The following CPA4 variants were observed in gnomAD, a reference collection of about 807,000 sequenced individuals.
CPA4 encodes carboxypeptidase A4.
In CPA4, 49 loss-of-function variants were observed where a neutral mutation model predicts 54.7. The observed-to-expected ratio is 0.90, with a 90% CI of 0.71 to 1.14. CPA4 has a LOEUF of 1.14. Among genes scored for constraint, CPA4 ranks in the 50% most tolerant of loss-of-function variants. CPA4 has a pLI of 0.00. For synonymous variants in CPA4, 215 were observed against 206.8 expected, an observed-to-expected ratio of 1.04 and a Z score of -0.34; for missense variants, 487 against 525.1, an observed-to-expected ratio of 0.93 and a Z score of 0.71.
At chr7:130,309,242 T>G (rs10239213) in intron 8 of CPA4, among the ~76,000 whole-genome samples, 2 of 152,170 alleles carry the variant, frequency 1.3e-5, no homozygotes, top group African/African-American at 4.8e-5. Flanking sequence ...GCATCTTACA[T>G]TGAGATTGCC....
At chr7:130,306,750 C>CCATG (rs1562930038) in intron 6 of CPA4, 37 bp from the exon 7 acceptor site, 1 of 1,252,676 alleles carries the variant, frequency 8.0e-7, no homozygotes, top group East Asian at 2.3e-5. Flanking sequence ...GCCCATCCTG[C>CCATG]CATGGGATAG....
In CPA4 at chr7:130,310,245, C is replaced by A. The variant is rs761685245; in HGVS notation, c.794-542C>A. ...TCAGTCACATTCATACACACACACA[C>A]GCACACACACACGTATGCACGTGTG... is the stretch of plus-strand genomic sequence containing the variant. On this transcript the variant is annotated intron_variant, in intron 8 of 10. Transcript: ENST00000222482. This position sits in a 1 kb window ranked among gnomAD's most constrained non-coding sequence, Gnocchi z 4.3. 6.6e-6 allele frequency among the ~76,000 whole-genome samples: 1 copy of A among 151,584 alleles called. No individual in the cohort carries two copies. The highest frequency in any genetic ancestry group is 2.4e-5 in the African/African-American group (1 of 40,894).
intron 4 of CPA4, among the ~76,000 whole-genome samples, chr7:130,303,533 A>G (rs1376223463): frequency 6.6e-6 from 1 of 152,128 alleles, no homozygotes; most frequent in Non-Finnish European, 1.5e-5. Flanking sequence ...GTGTGTGTAC[A>G]TGTATATGGT....
rs746604862 is a variant in CPA4 at position 130,299,270 on chromosome 7, C to A, written c.151C>A (p.Leu51Ile). Residue 51 changes from leucine to isoleucine, a missense_variant and splice_region_variant, in exon 3 of 11, where the codon CTC (leucine) becomes ATC (isoleucine). Transcript: ENST00000222482. ...SQLVNSNNLK[L>I]NFWKSPSSFN... ...CTGGTTTCATTTCTGTTCCCTTCAG[C>A]TCAATTTCTGGAAATCTCCCTCCTC... 5.3e-5 allele frequency: 85 copies of A among 1,613,766 alleles called. No homozygotes were observed. In the South Asian group the frequency reaches 9.2e-4, roughly 18 times the overall value.
chr7:130,307,470 A>T (rs1168030442), intron 7 of CPA4, among the ~76,000 whole-genome samples: 1 of 151,966 alleles, frequency 6.6e-6, no homozygotes, highest in African/African-American at 2.4e-5. Flanking sequence ...TCTCTATTAA[A>T]AATACAAACA....
In CPA4 at chr7:130,323,895, T is replaced by TG. The variant is rs1794168263; in HGVS notation, c.*1219_*1220insG. ...GTATCCTGTGTTTCCTTGTCCTGGT[T>TG]TGTGTGTGTGTGTGTGTGTGTGTGT... On this transcript the variant is annotated 3_prime_UTR_variant, in exon 11 of 11. Coordinates refer to ENST00000222482, the MANE Select transcript of CPA4 (RefSeq NM_016352.4). The TG allele has an allele frequency of 6.9e-6, 1 of 145,132 alleles. No homozygotes were observed. The highest frequency in any genetic ancestry group is 2.6e-5 in the African/African-American group (1 of 38,908). 9.0% of individuals were successfully genotyped at this position (145,132 alleles called of 1,614,324 possible).
At chr7:130,299,720 T>C in intron 3 of CPA4, 1 of 277,716 alleles carries the variant, frequency 3.6e-6, no homozygotes, top group Non-Finnish European at 7.0e-6. Flanking sequence ...AAAATGGTGA[T>C]AGTGAGACCT....
At chr7:130,299,476 G>A (rs910053885) in intron 3 of CPA4, 72 bp downstream of exon 3, 1 of 1,407,770 alleles carries the variant, frequency 7.1e-7, no homozygotes, top group Non-Finnish European at 9.9e-7. Context: ...AGACCGGAGT[G>A]ATTTGCAAGT....
At chr7:130,307,221 C>T (rs540681836) in intron 7 of CPA4, among the ~76,000 whole-genome samples, 7 of 150,778 alleles carry the variant, frequency 4.6e-5, no homozygotes, top group African/African-American at 1.2e-4. Context: ...TACTTTAGTA[C>T]GCATCTCTAA....
At chr7:130,315,702 TTGAA>T (rs1411881261) in intron 10 of CPA4, among the ~76,000 whole-genome samples, 10 of 152,284 alleles carry the variant, frequency 6.6e-5, no homozygotes, top group Admixed American at 5.9e-4. Flanking sequence ...CTAAAAGAAA[TTGAA>T]CCTTGTTTAC....
chr7:130,312,203 T>A (rs1793926424), intron 10 of CPA4, 81 bp downstream of exon 10: 1 of 967,564 alleles, frequency 1.0e-6, no homozygotes. Context: ...GGGCTGTAAG[T>A]TAGACTTACT....
rs185146326 is a variant in CPA4 at position 130,304,935 on chromosome 7, A to G, written c.486+356A>G. Among the ~76,000 whole-genome samples, 304 of 152,302 alleles carry G rather than the reference A, an allele frequency of 2.0e-3. 1 individual carries two copies. Among genetic ancestry groups the G allele is most frequent in the African/African-American group, 6.9e-3 (285 of 41,564 alleles). The stretch of plus-strand genomic sequence containing the variant: ...GACTTCTATTCTGCTTTCAGGGGGT[A>G]CTTACTGGAAAATCAACTTAGGAAG... On this transcript the variant is annotated intron_variant, in intron 5 of 10. Coordinates refer to ENST00000222482, the MANE Select transcript of CPA4 (RefSeq NM_016352.4).
chr7:130,294,884 T>C (rs1319097600), intron 1 of CPA4, among the ~76,000 whole-genome samples: 2 of 152,200 alleles, frequency 1.3e-5, no homozygotes, highest in Admixed American at 1.3e-4. Context: ...TTCAAGTGGT[T>C]GGGAAGCCAG....
In CPA4 at chr7:130,298,743, C is replaced by G. The variant is rs1793692551; in HGVS notation, c.69-3C>G. On this transcript the variant is annotated splice_polypyrimidine_tract_variant and splice_region_variant and intron_variant, in intron 1 of 10. Transcript: ENST00000222482. The stretch of plus-strand genomic sequence containing the variant: ...TCTTTTTTCCTTTTCGCTTCTTCCC[C>G]AGGGACCAAGTTTTGAGGATTAATG... The G allele has an allele frequency of 6.3e-7, 1 of 1,599,504 alleles. No homozygotes were observed.
intron 10 of CPA4, among the ~76,000 whole-genome samples, chr7:130,313,138 T>C (rs1187640596): frequency 6.6e-6 from 1 of 151,852 alleles, no homozygotes; most frequent in East Asian, 1.9e-4. Context: ...GCACGGAGAG[T>C]TTTTGATCTC....
rs1793705200 is a variant in CPA4 at position 130,299,401 on chromosome 7, G to T, written c.282G>T (p.Leu94=). The T allele has an allele frequency of 2.5e-6, 4 of 1,614,130 alleles. No individual in the cohort carries two copies. The highest frequency in any genetic ancestry group is 3.4e-6 in the Non-Finnish European group (4 of 1,179,970). Residue 94 remains leucine, a synonymous_variant, in exon 3 of 11, where the codon CTG becomes CTT. Coordinates refer to ENST00000222482, the MANE Select transcript of CPA4 (RefSeq NM_016352.4). ...AGTACGCAGTGACAATTGAGGACCT[G>T]CAGGTAGGTAGACTATGCCTCCTGC... is the stretch of plus-strand genomic sequence containing the variant. ...GLEYAVTIED[L]QALLDNEDDE...
chr7:130,298,476 A>G (rs1458881680), intron 1 of CPA4, among the ~76,000 whole-genome samples: 2 of 152,136 alleles, frequency 1.3e-5, no homozygotes, highest in African/African-American at 4.8e-5. Context: ...CTTCCAATGC[A>G]TCTGCTTTTT....
At chr7:130,318,263 A>G (rs1379849772) in intron 10 of CPA4, among the ~76,000 whole-genome samples, 2 of 152,092 alleles carry the variant, frequency 1.3e-5, no homozygotes, top group African/African-American at 4.8e-5. Flanking sequence ...AGCTTGAATA[A>G]TGGCCTTGTC....
chr7:130,316,533 G>A (rs1793989346), intron 10 of CPA4, among the ~76,000 whole-genome samples: 1 of 152,102 alleles, frequency 6.6e-6, no homozygotes, highest in Non-Finnish European at 1.5e-5. Context: ...TTGATGTGCT[G>A]CCATTTATAA....
Sources: allele counts gnomAD v4.1 joint callset (sites outside exome capture counted in the v4.1 genomes callset), GRCh38; gene constraint gnomAD v4.1.1; non-coding constraint Gnocchi (gnomAD v3.1); transcripts MANE v1.5; gene names NCBI Gene and HGNC (gene_info 2026-07-23, HGNC 2026-07-21).